Variants in LRP1 observed in about 807,000 individuals in gnomAD.
LRP1 encodes prolow-density lipoprotein receptor-related protein 1.
A neutral mutation model predicts 541.5 loss-of-function variants in LRP1; 51 were observed. The ratio of observed to expected loss-of-function variants is 0.09; its 90% confidence interval spans 0.08 to 0.12. LRP1 has a LOEUF of 0.12. LRP1 is among the 10% of genes least tolerant of loss of function. LRP1 has a pLI of 1.00. For missense variants in LRP1, 3,878 were observed against 6,376.2 expected (o/e 0.61, Z 13.34); for synonymous variants, 2,219 against 2,470.8 (o/e 0.90, Z 3.02).
In LRP1 at chr12:57,158,382, C is replaced by A. The variant is rs2035663018; in HGVS notation, c.1562-20C>A. ...GGTCATGTGTGTGTCTGACTGTACCCTGGCTTGTGCCTGCTCTAGAGCCGG... is the reference window on the plus strand; with the variant it reads ...GGTCATGTGTGTGTCTGACTGTACCATGGCTTGTGCCTGCTCTAGAGCCGG... On this transcript the variant is annotated intron_variant, in intron 10 of 88. Transcript: ENST00000243077. The surrounding 1 kb of genome is among the most constrained non-coding windows in gnomAD (Gnocchi z 5.3). 1 of 1,582,790 alleles carries A rather than the reference C, an allele frequency of 6.3e-7. No homozygotes were observed. The highest frequency in any genetic ancestry group is 8.6e-7 in the Non-Finnish European group (1 of 1,159,076).
chr12:57,136,403 C>T lies in LRP1; in HGVS notation c.68-2056C>T, dbSNP rs60565245. ...CTCCCTCCCTCCTAAGAGCCCCCCC[C>T]CCCCGCCATTTTCCTTATACTTCTG... On this transcript the variant is annotated intron_variant, in intron 1 of 88. Transcript: ENST00000243077. Among the ~76,000 whole-genome samples the T allele has an allele frequency of 5.4e-5, 8 of 147,566 alleles. 1 individual carries two copies. Among genetic ancestry groups the T allele is most frequent in the South Asian group, 2.2e-4 (1 of 4,512 alleles).
At position 57,209,163 on chromosome 12, in the gene LRP1, G is replaced by T. The variant is rs749017125; in HGVS notation, c.12226G>T (p.Gly4076Cys). ...LSVIGSIRLN[G>C]TDPIVAADSK... ...AGTCATCGGCAGCATCCGGCTCAATGGCACGGACCCCATTGTGGCTGCTGA... is the reference window on the plus strand; with the variant it reads ...AGTCATCGGCAGCATCCGGCTCAATTGCACGGACCCCATTGTGGCTGCTGA... Residue 4076 changes from glycine to cysteine, a missense_variant, in exon 79 of 89, where the codon GGC becomes TGC. Coordinates refer to ENST00000243077, the MANE Select transcript of LRP1 (RefSeq NM_002332.3). The T allele has an allele frequency of 6.2e-7, 1 of 1,614,076 alleles. No homozygotes were observed. The highest frequency in any genetic ancestry group is 1.1e-5 in the South Asian group (1 of 91,086).
Position 57,191,401 on chromosome 12 carries a change from C to T in LRP1, c.7318C>T (p.Arg2440Trp). 2 of 1,613,428 alleles carry T rather than the reference C, an allele frequency of 1.2e-6. No homozygotes were observed. The highest frequency in any genetic ancestry group is 1.7e-6 in the Non-Finnish European group (2 of 1,179,582). Residue 2440 changes from arginine (R) to tryptophan (W), a missense_variant, in exon 44 of 89, where the codon CGG becomes TGG. By Grantham distance (101) the Arg-to-Trp change is moderately radical. This residue lies in a region of LRP1 where 1,100 missense variants were observed against 1,827.4 expected (regional missense o/e 0.60). Transcript: ENST00000243077. ...EHIFWTDWVR[R>W]AVQRANKHVG... The stretch of plus-strand genomic sequence containing the variant: ...CATTTTCTGGACTGACTGGGTGCGG[C>T]GGGCAGTGCAGCGGGCCAACAAGCA...
intron 58 of LRP1, 39 bp from the exon 59 acceptor site, chr12:57,198,117 G>A: frequency 1.3e-6 from 2 of 1,564,718 alleles, no homozygotes; most frequent in East Asian, 4.5e-5. Context: ...TCCTCCCCCA[G>A]GTCACCCAGA....
chr12:57,212,361 C>T lies in LRP1; in HGVS notation c.13495-54C>T. ...GGGACGGAGGTGGGGGTGGGGTAAC[C>T]TGGGCTACAGGCCCAGCTCCTGAGC... On this transcript the variant is annotated intron_variant, in intron 88 of 88. Coordinates refer to ENST00000243077, the MANE Select transcript of LRP1 (RefSeq NM_002332.3). The surrounding 1 kb of genome is among the most constrained non-coding windows in gnomAD (Gnocchi z 5.0). The T allele has an allele frequency of 6.2e-7, 1 of 1,613,756 alleles. No homozygotes were observed. The highest frequency in any genetic ancestry group is 8.5e-7 in the Non-Finnish European group (1 of 1,179,884).
At chr12:57,210,649 C>A in intron 82 of LRP1, 69 bp from the exon 83 acceptor site, 1 of 1,541,920 alleles carries the variant, frequency 6.5e-7, no homozygotes, top group Non-Finnish European at 8.9e-7. Flanking sequence ...TCCCCCCAGC[C>A]CATTCCTCTG....
chr12:57,161,218 C>A (rs2035727254), intron 13 of LRP1, 103 bp downstream of exon 13: 2 of 1,104,488 alleles, frequency 1.8e-6, no homozygotes, highest in Non-Finnish European at 2.7e-6. Flanking sequence ...TGTGTGTGTC[C>A]AGGCCTGTGT....
chr12:57,183,641 C>T lies in LRP1; in HGVS notation c.5794+131C>T. 3 of 1,477,534 alleles carry T rather than the reference C, an allele frequency of 2.0e-6. No individual in the cohort carries two copies. Among genetic ancestry groups the T allele is most frequent in the Non-Finnish European group, 2.7e-6 (3 of 1,092,634 alleles). The allele number at this position is 1,477,534 out of a possible 1,614,324, so 91.5% of individuals were successfully genotyped here. On this transcript the variant is annotated intron_variant, in intron 35 of 88. Transcript: ENST00000243077. The surrounding 1 kb of genome is among the most constrained non-coding windows in gnomAD (Gnocchi z 6.1). Reference sequence around the variant, plus strand: ...TGGGGCACTTGCTACAGCTGCCACCCTGACTCCACCTCCCCTTCAAGCACC... The same window carrying T: ...TGGGGCACTTGCTACAGCTGCCACCTTGACTCCACCTCCCCTTCAAGCACC...
Position 57,154,761 on chromosome 12 carries a change from G to T in LRP1, c.1227+60G>T, listed in dbSNP as rs751205391. 2 of 1,459,706 alleles carry T rather than the reference G, an allele frequency of 1.4e-6. No homozygotes were observed. The highest frequency in any genetic ancestry group is 9.4e-7 in the Non-Finnish European group (1 of 1,064,998). The allele number at this position is 1,459,706 out of a possible 1,614,324, so 90.4% of individuals were successfully genotyped here. A position where few individuals can be genotyped will look rare whatever the true frequency, so the allele number is the denominator to read the frequency against. On this transcript the variant is annotated intron_variant, in intron 8 of 88. Transcript: ENST00000243077. This position sits in a 1 kb window ranked among gnomAD's most constrained non-coding sequence, Gnocchi z 4.6. ...ACCATGATCCAGGGCCTTCTGGTGA[G>T]GGGGGAAGCCTCTGTAGGGGAACCG...
Position 57,175,516 on chromosome 12 carries a change from G to C in LRP1, c.3604G>C (p.Glu1202Gln). 1 of 1,614,056 alleles carries C rather than the reference G, an allele frequency of 6.2e-7. No individual in the cohort carries two copies. Among genetic ancestry groups the C allele is most frequent in the Non-Finnish European group, 8.5e-7 (1 of 1,180,022 alleles). The change falls in exon 23 of 89, where the codon GAA becomes CAA. Residue 1202 changes from glutamate (E) to glutamine (Q), a missense_variant. By Grantham distance (29) the Glu-to-Gln change is conservative. Coordinates refer to ENST00000243077, the MANE Select transcript of LRP1 (RefSeq NM_002332.3). Reference sequence around the variant, plus strand: ...CCACAACTGCTCAGTGGCACCTGGCGAAGGCATTGTGTGTTCCTGCCCTCT... The same window carrying C: ...CCACAACTGCTCAGTGGCACCTGGCCAAGGCATTGTGTGTTCCTGCCCTCT... ...CSHNCSVAPG[E>Q]GIVCSCPLGM...
rs1565752311 is a variant in LRP1 at position 57,202,555 on chromosome 12, C to T, written c.10711+18C>T. On this transcript the variant is annotated intron_variant, in intron 68 of 88. Transcript: ENST00000243077. The stretch of plus-strand genomic sequence containing the variant: ...GAGCTGCAGTACGTCCCCACCCACC[C>T]AGCCCCGCATGAGCCCCTCCCAGGC... 1 of 1,507,414 alleles carries T rather than the reference C, an allele frequency of 6.6e-7. No individual in the cohort carries two copies. The highest frequency in any genetic ancestry group is 1.2e-5 in the South Asian group (1 of 82,666). 93.4% of individuals were successfully genotyped at this position (1,507,414 alleles called of 1,614,324 possible).
At chr12:57,129,327 T>G (rs1464631183) in intron 1 of LRP1, among the ~76,000 whole-genome samples, 1 of 151,966 alleles carries the variant, frequency 6.6e-6, no homozygotes, top group Non-Finnish European at 1.5e-5. Flanking sequence ...TCTTTTCCTA[T>G]CTCTGTTCGG....
rs751738892 is a variant in LRP1, at chr12:57,196,970, C to T, written c.8893-12C>T. ...TGCCACATGCCCAGCCCAAGGCTCC[C>T]TGTGCCTGCAGTGCCGCTGTCGCCC... On this transcript the variant is annotated splice_polypyrimidine_tract_variant and intron_variant, in intron 55 of 88. Transcript: ENST00000243077. The T allele has an allele frequency of 2.4e-5, 39 of 1,603,766 alleles. No homozygotes were observed. The highest frequency in any genetic ancestry group is 3.1e-5 in the Non-Finnish European group (37 of 1,177,742).
chr12:57,155,431 G>GGTTGA (rs1375130466), intron 8 of LRP1: 6 of 156,012 alleles, frequency 3.8e-5, no homozygotes, highest in African/African-American at 1.4e-4. Context: ...CTGCCCTCAA[G>GGTTGA]GGGTCTGAGT....
At chr12:57,181,799 A>C (rs1228032655) in intron 34 of LRP1, among the ~76,000 whole-genome samples, 1 of 152,134 alleles carries the variant, frequency 6.6e-6, no homozygotes, top group Non-Finnish European at 1.5e-5. Context: ...TCAGAGTGTG[A>C]GATGATGGGC....
chr12:57,148,474 T>A (rs2035459840), intron 6 of LRP1, among the ~76,000 whole-genome samples: 1 of 151,960 alleles, frequency 6.6e-6, no homozygotes, highest in South Asian at 2.1e-4. Context: ...GTCTCTCAGC[T>A]CCAGAGGCCT....
At chr12:57,147,654 G>A (rs887510869) in intron 6 of LRP1, 1 of 152,152 alleles carries the variant, frequency 6.6e-6, no homozygotes, top group Non-Finnish European at 1.5e-5. Flanking sequence ...AGGGGTGTTC[G>A]AGCCAGCGAG....
At chr12:57,148,650 G>A (rs2035463754) in intron 6 of LRP1, among the ~76,000 whole-genome samples, 2 of 152,212 alleles carry the variant, frequency 1.3e-5, no homozygotes, top group Non-Finnish European at 2.9e-5. Context: ...GAAAGAATGA[G>A]GCAGACTGCA....
chr12:57,201,276 A>G lies in LRP1; in HGVS notation c.10345+123A>G. ...TTAGTAGATGGGCAACACAAATTAT[A>G]TTGGGTGTAACTTGCTTTGCTCATA... On this transcript the variant is annotated intron_variant, in intron 65 of 88. Coordinates refer to ENST00000243077, the MANE Select transcript of LRP1 (RefSeq NM_002332.3). The surrounding 1 kb of genome is among the most constrained non-coding windows in gnomAD (Gnocchi z 6.4). 1 of 1,462,644 alleles carries G rather than the reference A, an allele frequency of 6.8e-7. No homozygotes were observed. Among genetic ancestry groups the G allele is most frequent in the Admixed American group, 1.9e-5 (1 of 53,328 alleles). 90.6% of individuals were successfully genotyped at this position (1,462,644 alleles called of 1,614,324 possible). A position where few individuals can be genotyped will look rare whatever the true frequency, so the allele number is the denominator to read the frequency against.
Sources: gnomAD v4.1 joint callset for allele counts (sites outside exome capture counted in the v4.1 genomes callset) on GRCh38, gnomAD v4.1.1 for gene constraint, gnomAD v4.1.1 regional missense constraint, Gnocchi (gnomAD v3.1) non-coding constraint, MANE v1.5 for transcripts, NCBI Gene and HGNC (gene_info 2026-07-23, HGNC 2026-07-21) for gene names.